Variants in PANK2 observed in about 807,000 individuals in gnomAD.
The protein encoded by PANK2 is pantothenate kinase 2, mitochondrial.
A neutral mutation model predicts 43.1 loss-of-function variants in PANK2; 36 were observed. That is an observed-to-expected ratio of 0.84 (90% CI 0.64 to 1.10). The LOEUF is 1.10. Ranked by LOEUF, PANK2 falls within the 50% of genes least tolerant of loss-of-function variation. The pLI is 0.00. For synonymous variants in PANK2, 281 were observed against 238.2 expected (o/e 1.18, Z -1.66); for missense variants, 576 against 593.3 (o/e 0.97, Z 0.30).
chr20:3,913,714 T>C (rs2090506490), intron 4 of PANK2, among the ~76,000 whole-genome samples: 1 of 151,624 alleles, frequency 6.6e-6, no homozygotes, highest in Non-Finnish European at 1.5e-5. Flanking sequence ...TGTTTCCATT[T>C]TTTGGTTATA....
At chr20:3,889,906 C>A (rs879229599) in intron 1 of PANK2, 178 bp downstream of exon 1, 4 of 1,532,284 alleles carry the variant, frequency 2.6e-6, no homozygotes, top group Non-Finnish European at 3.5e-6. Flanking sequence ...GAAAGCGGTA[C>A]CTTCGGGGGC....
rs2146906395 is a variant in PANK2, at chr20:3,923,931, C to T, written c.*637C>T. On this transcript the variant is annotated 3_prime_UTR_variant, in exon 7 of 7. Coordinates refer to ENST00000610179, the MANE Select transcript of PANK2 (RefSeq NM_001386393.1). ...GGGCTTCTTTTCTTGGCAGAATTTC[C>T]TTGGGTAGTGGGCGGACTGTTCTGA... 1 of 155,578 alleles carries T rather than the reference C, an allele frequency of 6.4e-6. No homozygotes were observed. The highest frequency in any genetic ancestry group is 6.3e-5 in the Admixed American group (1 of 15,970). 9.6% of individuals were successfully genotyped at this position (155,578 alleles called of 1,614,324 possible).
In PANK2 at chr20:3,916,766, G is replaced by C. The variant is rs182967726; in HGVS notation, c.1083-161G>C. On this transcript the variant is annotated intron_variant, in intron 4 of 6. Coordinates refer to ENST00000610179, the MANE Select transcript of PANK2 (RefSeq NM_001386393.1). ...TGTTGGAGGGCTCTGTTTGAAGTTT[G>C]CATTTCTCTTTGAACAGATGCTCCA... Among the ~76,000 whole-genome samples the C allele has an allele frequency of 4.6e-5, 7 of 152,294 alleles. No individual in the cohort carries two copies. The East Asian group carries it at 7.7e-4, about 17-fold the overall frequency.
At chr20:3,893,938 T>G (rs58756871) in intron 1 of PANK2, among the ~76,000 whole-genome samples, 75 of 148,406 alleles carry the variant, frequency 5.1e-4, no homozygotes, top group Admixed American at 3.4e-3. Flanking sequence ...TTTGTTTTTT[T>G]TTTTTTTTTT....
intron 1 of PANK2, 130 bp from the exon 2 acceptor site, chr20:3,907,796 C>A: frequency 1.3e-6 from 1 of 758,046 alleles, no homozygotes; most frequent in Non-Finnish European, 2.2e-6. Flanking sequence ...CATTTCTTTG[C>A]CCCAAAACCC....
upstream of PANK2, chr20:3,888,960 GGAGCACTGC>G: frequency 1.0e-4 from 64 of 638,700 alleles, no homozygotes; most frequent in Admixed American, 2.7e-4. Context: ...AGACGCTGCG[GGAGCACTGC>G]TGGGCTGGAG....
rs750176786 is a variant in PANK2, at chr20:3,912,460, T to C, written c.908T>C (p.Leu303Pro). 11 of 1,613,998 alleles carry C rather than the reference T, an allele frequency of 6.8e-6. No homozygotes were observed. The highest frequency in any genetic ancestry group is 3.4e-6 in the Non-Finnish European group (4 of 1,179,978). ...GTGTTAATTGTTTTTAATCATAGTCTTGGAGGAGGAACTTTTTTTGGTCTC... is the reference window on the plus strand; with the variant it reads ...GTGTTAATTGTTTTTAATCATAGTCCTGGAGGAGGAACTTTTTTTGGTCTC... The change falls in exon 4 of 7, where the codon CTT (leucine) becomes CCT (proline). Residue 303 changes from leucine to proline, a missense_variant and splice_region_variant. This residue lies in a region of PANK2 where 544 missense variants were observed against 528.9 expected (regional missense o/e 1.03). Coordinates refer to ENST00000610179, the MANE Select transcript of PANK2 (RefSeq NM_001386393.1).
intron 5 of PANK2, among the ~76,000 whole-genome samples, chr20:3,917,760 TA>T (rs892000168): frequency 1.3e-5 from 2 of 152,308 alleles, no homozygotes; most frequent in East Asian, 1.9e-4. Context: ...CATTTTAAAT[TA>T]AAAAAATACT....
chr20:3,920,217 T>TA (rs11482548), intron 6 of PANK2, among the ~76,000 whole-genome samples: 77,268 of 149,800 alleles, frequency 0.52, 20,642 homozygotes, highest in African/African-American at 0.68. Flanking sequence ...AAGTTAACCT[T>TA]AAAAAAAAAA....
chr20:3,923,572 T>A lies in PANK2; in HGVS notation c.*278T>A. ...TTGCCTGCTTTGTATTTTTGAAATC[T>A]CTGCATCACTCATTGGAAGTGCTTC... On this transcript the variant is annotated 3_prime_UTR_variant, in exon 7 of 7. Coordinates refer to ENST00000610179, the MANE Select transcript of PANK2 (RefSeq NM_001386393.1). 2.0e-6 allele frequency: 1 copy of A among 506,642 alleles called. No homozygotes were observed. Among genetic ancestry groups the A allele is most frequent in the Admixed American group, 3.2e-5 (1 of 30,924 alleles). The allele number at this position is 506,642 out of a possible 1,614,324, so 31.4% of individuals were successfully genotyped here.
intron 1 of PANK2, among the ~76,000 whole-genome samples, chr20:3,891,566 C>G (rs113592207): frequency 6.6e-6 from 1 of 152,168 alleles, no homozygotes; most frequent in Non-Finnish European, 1.5e-5. Flanking sequence ...TATTTACGTT[C>G]TGTTAGTTAT....
chr20:3,892,212 T>G (rs911167620), intron 1 of PANK2, among the ~76,000 whole-genome samples: 1 of 151,858 alleles, frequency 6.6e-6, no homozygotes, highest in African/African-American at 2.4e-5. Context: ...GGCGTGGTGG[T>G]GCATGCCTGT....
intron 4 of PANK2, among the ~76,000 whole-genome samples, chr20:3,913,583 C>T (rs1274566235): frequency 6.6e-6 from 1 of 152,012 alleles, no homozygotes; most frequent in Non-Finnish European, 1.5e-5. Context: ...TGATCTGCCG[C>T]CTCAGCCTCC....
intron 4 of PANK2, among the ~76,000 whole-genome samples, chr20:3,915,213 T>C (rs1199012012): frequency 2.1e-5 from 3 of 140,476 alleles, no homozygotes; most frequent in Non-Finnish European, 3.1e-5. Context: ...AAGAATTGCC[T>C]AATTTAAGAT....
At chr20:3,920,388 C>T (rs931365099) in intron 6 of PANK2, among the ~76,000 whole-genome samples, 3 of 152,008 alleles carry the variant, frequency 2.0e-5, no homozygotes, top group African/African-American at 4.8e-5. Flanking sequence ...CAATGGCGGG[C>T]GCCTATAATC....
chr20:3,910,659 A>T lies in PANK2; in HGVS notation c.734A>T (p.Asn245Ile), dbSNP rs746484727. Residue 245 changes from asparagine to isoleucine, a missense_variant, in exon 3 of 7, where the codon AAT (asparagine) becomes ATT (isoleucine). Asn to Ile is a moderately radical substitution (Grantham distance 149). Around this residue, in one of 2 missense-constraint regions of PANK2, gnomAD observed 544 missense variants for 528.9 expected, o/e 1.03. Coordinates refer to ENST00000610179, the MANE Select transcript of PANK2 (RefSeq NM_001386393.1). ...TTATACATTGACTCAGTCGGATTCA[A>T]TGGACGGTCACAGTGCTATTACTTT... 1 of 1,614,202 alleles carries T rather than the reference A, an allele frequency of 6.2e-7. No homozygotes were observed. The highest frequency in any genetic ancestry group is 8.5e-7 in the Non-Finnish European group (1 of 1,180,044).
At chr20:3,900,987 C>G (rs2090291509) in intron 1 of PANK2, among the ~76,000 whole-genome samples, 1 of 151,792 alleles carries the variant, frequency 6.6e-6, no homozygotes, top group Non-Finnish European at 1.5e-5. Context: ...CCAGGCTGGT[C>G]TCGAACTCAT....
intron 1 of PANK2, among the ~76,000 whole-genome samples, chr20:3,896,183 C>T (rs1238053841): frequency 6.6e-6 from 1 of 151,220 alleles, no homozygotes; most frequent in Non-Finnish European, 1.5e-5. Flanking sequence ...TTGGCTCAGC[C>T]TCCTGAGTAG....
At chr20:3,889,208 C>T (rs1278812733), upstream of PANK2, 1 of 1,612,774 alleles carries the variant, frequency 6.2e-7, no homozygotes, top group East Asian at 2.2e-5. Flanking sequence ...GGATCCCCTC[C>T]TCCACCACCC....
Sources: allele counts gnomAD v4.1 joint callset (sites outside exome capture counted in the v4.1 genomes callset), GRCh38; gene constraint gnomAD v4.1.1; regional missense constraint gnomAD v4.1.1; transcripts MANE v1.5; gene names NCBI Gene and HGNC (gene_info 2026-07-23, HGNC 2026-07-21).